HERC1: variants seen among roughly 807,000 people sequenced by gnomAD.
The protein encoded by HERC1 is HECT and RLD domain containing E3 ubiquitin protein ligase family member 1.
A neutral mutation model predicts 554.3 loss-of-function variants in HERC1; 160 were observed. The ratio of observed to expected loss-of-function variants is 0.29; its 90% CI spans 0.25 to 0.33. The LOEUF is 0.33. Among genes scored for constraint, HERC1 ranks in the 10% least tolerant of loss-of-function variants. The probability of loss-of-function intolerance (pLI) is 1.00; values close to 1 mark genes in which losing one functional copy is unlikely to be tolerated. For synonymous variants in HERC1, 2,175 were observed against 2,131.7 expected (o/e 1.02, Z -0.56); for missense variants, 4,919 against 5,918.5 (o/e 0.83, Z 5.54).
Position 63,615,920 on chromosome 15 carries a change from T to C in HERC1, c.13942A>G (p.Met4648Val), listed in dbSNP as rs954763810. Residue 4648 changes from methionine (M) to valine (V), a missense_variant and splice_region_variant, in exon 76 of 78, where the codon ATG becomes GTG. This residue lies in a region of HERC1 where 284 missense variants were observed against 294.1 expected (regional missense o/e 0.97). Coordinates refer to ENST00000443617, the MANE Select transcript of HERC1 (RefSeq NM_003922.4). ...CCAACAAAAGAATCAAGAGGAATCA[T>C]CTAGGAACAGAAGAAAACAGAATTT... ...SGITEESFHEMIPLDSFVGQS... is the reference protein window; with the variant it reads ...SGITEESFHEVIPLDSFVGQS... 6.3e-7 allele frequency: 1 copy of C among 1,584,478 alleles called. No homozygotes were observed. Among genetic ancestry groups the C allele is most frequent in the South Asian group, 1.2e-5 (1 of 84,668 alleles).
At chr15:63,640,992 C>T (rs2069027006) in intron 60 of HERC1, among the ~76,000 whole-genome samples, 1 of 152,152 alleles carries the variant, frequency 6.6e-6, no homozygotes, top group Non-Finnish European at 1.5e-5. Flanking sequence ...CGCTGCAATT[C>T]CTCATTCCAG....
chr15:63,669,513 T>A (rs1209400326), intron 40 of HERC1, 25 bp downstream of exon 40: 1 of 1,609,846 alleles, frequency 6.2e-7, no homozygotes, highest in East Asian at 2.2e-5. Context: ...ACTTTGGATA[T>A]CATAGTGCAT....
intron 34 of HERC1, among the ~76,000 whole-genome samples, chr15:63,682,165 C>T (rs189979164): frequency 2.2e-4 from 33 of 152,312 alleles, no homozygotes; most frequent in Admixed American, 1.5e-3. Flanking sequence ...TATGGAGTTA[C>T]ACATAGTATG....
intron 8 of HERC1, among the ~76,000 whole-genome samples, chr15:63,751,732 C>A (rs943312307): frequency 7.9e-5 from 12 of 151,992 alleles, no homozygotes; most frequent in African/African-American, 2.9e-4. Context: ...ATTTTTTTCA[C>A]GCATATATAT....
rs746280736 is a variant in HERC1, at chr15:63,626,107, G to T, written c.13153C>A (p.Gln4385Lys). Residue 4385 changes from glutamine (Q) to lysine (K), a missense_variant, in exon 71 of 78, where the codon CAG becomes AAG. By Grantham distance (53) the Gln-to-Lys change is moderately conservative. Coordinates refer to ENST00000443617, the MANE Select transcript of HERC1 (RefSeq NM_003922.4). ...CTGACTTCTCTCAGCGCCCCATACT[G>T]GGGGGGCACTGTGTCAGGCAGGCCC... The part of the protein sequence containing the change: ...QLGLPDTVPP[Q>K]YGALREVSIH... The T allele has an allele frequency of 8.1e-6, 13 of 1,613,006 alleles. No homozygotes were observed. The highest frequency in any genetic ancestry group is 2.7e-5 in the African/African-American group (2 of 74,868).
At chr15:63,757,626 T>C (rs2075471539) in intron 4 of HERC1, among the ~76,000 whole-genome samples, 1 of 152,116 alleles carries the variant, frequency 6.6e-6, no homozygotes, top group Non-Finnish European at 1.5e-5. Flanking sequence ...TTGCTATTCT[T>C]AACACTTTTT....
chr15:63,782,070 A>G (rs2076304803), intron 1 of HERC1, among the ~76,000 whole-genome samples: 1 of 152,234 alleles, frequency 6.6e-6, no homozygotes, highest in Non-Finnish European at 1.5e-5. Flanking sequence ...TCCACAACAT[A>G]AAAGTGCAAG....
intron 1 of HERC1, among the ~76,000 whole-genome samples, chr15:63,805,440 G>A (rs1018475801): frequency 2.0e-5 from 3 of 152,122 alleles, no homozygotes; most frequent in African/African-American, 4.8e-5. Context: ...TAAAAACCAC[G>A]GTGATAAAAA....
intron 44 of HERC1, among the ~76,000 whole-genome samples, chr15:63,662,681 T>C (rs1595918345): frequency 1.3e-5 from 2 of 152,200 alleles, no homozygotes; most frequent in Non-Finnish European, 2.9e-5. Flanking sequence ...CAACGTCTAC[T>C]GGAACCTGAT....
intron 48 of HERC1, among the ~76,000 whole-genome samples, chr15:63,657,258 AG>A: frequency 7.5e-6 from 1 of 133,774 alleles, no homozygotes; most frequent in Middle Eastern, 3.9e-3. Context: ...TTTTTGTCTT[AG>A]GTTTTTTTTT....
Position 63,680,621 on chromosome 15 carries a change from T to C in HERC1, c.6381A>G (p.Thr2127=), listed in dbSNP as rs1380403997. ...AATCTCCTTGAGTAAAGCTGGACAA[T>C]GTGAGAGTCTGTTCTCCATTGTGAT... ...NLYHNGEQTL[T]LSSFTQGDFI... is the part of the protein sequence containing the mutation. The change falls in exon 35 of 78, where the codon ACA becomes ACG. Residue 2127 remains threonine (T), a synonymous_variant. Coordinates refer to ENST00000443617, the MANE Select transcript of HERC1 (RefSeq NM_003922.4). The surrounding 1 kb of genome is among the most constrained non-coding windows in gnomAD (Gnocchi z 5.8). 5.0e-6 allele frequency: 8 copies of C among 1,613,788 alleles called. No individual in the cohort carries two copies. The highest frequency in any genetic ancestry group is 5.9e-6 in the Non-Finnish European group (7 of 1,179,754).
chr15:63,626,326 T>C lies in HERC1; in HGVS notation c.13106-172A>G, dbSNP rs183347780. Among the ~76,000 whole-genome samples, 357 of 152,344 alleles carry C rather than the reference T, an allele frequency of 2.3e-3. 4 individuals are homozygous for C. The highest frequency in any genetic ancestry group is 8.4e-3 in the African/African-American group (351 of 41,578). ...TGGTGTGTGCATTTGTGTTGGTTTT[T>C]AAAATGTCTTTATCAGGGGGCGGAG... On this transcript the variant is annotated intron_variant, in intron 70 of 77. Coordinates refer to ENST00000443617, the MANE Select transcript of HERC1 (RefSeq NM_003922.4).
intron 1 of HERC1, among the ~76,000 whole-genome samples, chr15:63,809,896 T>C (rs1596307046): frequency 6.6e-6 from 1 of 152,174 alleles, no homozygotes; most frequent in East Asian, 1.9e-4. Context: ...CCCAGACTAG[T>C]CTCGAACCCC....
intron 24 of HERC1, among the ~76,000 whole-genome samples, chr15:63,710,408 C>A (rs1174830801): frequency 1.3e-5 from 2 of 152,072 alleles, no homozygotes; most frequent in African/African-American, 4.8e-5. Context: ...AAGGAAAAAA[C>A]CAAATGCATG....
In HERC1 at chr15:63,774,722, G is replaced by C. The variant is rs368323380; in HGVS notation, c.902C>G (p.Thr301Ser). ...EGMISFDCFM[T>S]ILMQMRRSLG... The stretch of plus-strand genomic sequence containing the variant: ...AGAACGCCTCATCTGCATTAATATG[G>C]TCATAAAGCAGTCAAAGCTGATCAT... Residue 301 changes from threonine to serine, a missense_variant, in exon 2 of 78, where the codon ACC (threonine) becomes AGC (serine). By Grantham distance (58) the Thr-to-Ser change is moderately conservative. Coordinates refer to ENST00000443617, the MANE Select transcript of HERC1 (RefSeq NM_003922.4). 168 of 1,612,722 alleles carry C rather than the reference G, an allele frequency of 1.0e-4. No individual in the cohort carries two copies. The highest frequency in any genetic ancestry group is 1.4e-4 in the Non-Finnish European group (161 of 1,179,340).
At chr15:63,814,679 G>C (rs533980239) in intron 1 of HERC1, among the ~76,000 whole-genome samples, 1 of 152,136 alleles carries the variant, frequency 6.6e-6, no homozygotes, top group Non-Finnish European at 1.5e-5. Flanking sequence ...ATGTTGGCCA[G>C]GCTGGTCTTG....
At chr15:63,741,982 CAT>C (rs1378258483) in intron 12 of HERC1, among the ~76,000 whole-genome samples, 1 of 152,150 alleles carries the variant, frequency 6.6e-6, no homozygotes, top group African/African-American at 2.4e-5. Context: ...CTTGAATTTC[CAT>C]ATGATTTTAG....
intron 57 of HERC1, 106 bp from the exon 58 acceptor site, chr15:63,643,656 A>AG: frequency 2.6e-6 from 2 of 782,812 alleles, no homozygotes; most frequent in Non-Finnish European, 3.9e-6. Context: ...AAAATTGGCA[A>AG]GGGGGAGAGA....
At chr15:63,787,278 T>C (rs1365715104) in intron 1 of HERC1, among the ~76,000 whole-genome samples, 1 of 152,028 alleles carries the variant, frequency 6.6e-6, no homozygotes. Context: ...TGCCTCAGCC[T>C]CCCGAGTAGG....
Sources: allele counts gnomAD v4.1 joint callset (sites outside exome capture counted in the v4.1 genomes callset), GRCh38; gene constraint gnomAD v4.1.1; regional missense constraint gnomAD v4.1.1; non-coding constraint Gnocchi (gnomAD v3.1); transcripts MANE v1.5; gene names NCBI Gene and HGNC (gene_info 2026-07-23, HGNC 2026-07-21).